TMC6: variants seen among roughly 807,000 people sequenced by gnomAD.
TMC6 encodes the protein transmembrane channel like 6.
A neutral mutation model predicts 95.4 loss-of-function variants in TMC6; 71 were observed. The ratio of observed to expected loss-of-function variants is 0.74; its 90% confidence interval spans 0.61 to 0.91. The LOEUF (loss-of-function observed/expected upper bound fraction) is 0.91. TMC6 is among the 40% of genes least tolerant of loss of function. The probability of loss-of-function intolerance (pLI) is 0.00; values close to 1 mark genes in which losing one functional copy is unlikely to be tolerated. For missense variants in TMC6, 1,074 were observed against 1,079.1 expected (o/e 1.00, Z 0.07); for synonymous variants, 514 against 483.1 (o/e 1.06, Z -0.84).
intron 18 of TMC6, among the ~76,000 whole-genome samples, chr17:78,116,842 T>A (rs1415534316): frequency 6.6e-6 from 1 of 152,178 alleles, no homozygotes. Context: ...ACTGTGCCAC[T>A]GCACTCCAGC....
In TMC6 at chr17:78,126,890, A is replaced by G; in HGVS notation, c.-58T>C. 3 of 1,582,704 alleles carry G rather than the reference A, an allele frequency of 1.9e-6. No homozygotes were observed. In the Admixed American group the frequency reaches 5.2e-5, roughly 28 times the overall value. On this transcript the variant is annotated 5_prime_UTR_variant, in exon 2 of 20. Coordinates refer to ENST00000590602, the MANE Select transcript of TMC6 (RefSeq NM_001127198.5). Reference sequence around the variant, plus strand: ...TAGGGTAGCTCAGAGCCTGGGCGCCACCTCCGGAGCCCCCATCTGATGAGA... The same window carrying G: ...TAGGGTAGCTCAGAGCCTGGGCGCCGCCTCCGGAGCCCCCATCTGATGAGA...
upstream of TMC6, among the ~76,000 whole-genome samples, chr17:78,130,257 A>G (rs779916141): frequency 2.3e-4 from 35 of 152,128 alleles, no homozygotes; most frequent in Non-Finnish European, 4.0e-4. Context: ...CAGTAACACC[A>G]AGAGTATCTG....
At chr17:78,118,925 CG>C in intron 15 of TMC6, 45 bp downstream of exon 15, 1 of 1,554,242 alleles carries the variant, frequency 6.4e-7, no homozygotes, top group Admixed American at 1.9e-5. Context: ...CCCCCACTGC[CG>C]GCCACCCTGC....
intron 16 of TMC6, 66 bp downstream of exon 16, chr17:78,117,736 C>A (rs935433196): frequency 2.2e-4 from 339 of 1,571,420 alleles, no homozygotes; most frequent in Non-Finnish European, 2.8e-4. Flanking sequence ...AGCCTTGGGC[C>A]CCCCAGGCAC....
In TMC6 at chr17:78,118,919, C is replaced by A. The variant is rs926145338; in HGVS notation, c.1887+52G>T. ...GCTCTGCCCAGCTGAGTCCTGCCCCCACTGCCGGCCACCCTGCCAGCCCAG... is the reference window on the plus strand; with the variant it reads ...GCTCTGCCCAGCTGAGTCCTGCCCCAACTGCCGGCCACCCTGCCAGCCCAG... On this transcript the variant is annotated intron_variant, in intron 15 of 19. Coordinates refer to ENST00000590602, the MANE Select transcript of TMC6 (RefSeq NM_001127198.5). The A allele has an allele frequency of 3.4e-5, 53 of 1,544,694 alleles. 1 individual carries two copies. The South Asian group carries it at 6.0e-4, about 18-fold the overall frequency.
Position 78,109,585 on chromosome 17 carries a change from C to T in TMC6, c.*3563G>A, listed in dbSNP as rs1043546645. 1 of 455,304 alleles carries T rather than the reference C, an allele frequency of 2.2e-6. No individual in the cohort carries two copies. Among genetic ancestry groups the T allele is most frequent in the Non-Finnish European group, 4.4e-6 (1 of 226,624 alleles). 28.2% of individuals were successfully genotyped at this position (455,304 alleles called of 1,614,324 possible). A position where few individuals can be genotyped will look rare whatever the true frequency, so the allele number is the denominator to read the frequency against. ...GGTCGAGGCTGCAGTGAGCTGTGAT[C>T]GTGCCACTGTGCTCCGGGATGGGCA... On this transcript the variant is annotated 3_prime_UTR_variant, in exon 20 of 20. Transcript: ENST00000590602.
rs1240293739 is a variant in TMC6 at position 78,117,326 on chromosome 17, G to T, written c.2220C>A (p.Ile740=). The T allele has an allele frequency of 6.2e-7, 1 of 1,613,496 alleles. No individual in the cohort carries two copies. Among genetic ancestry groups the T allele is most frequent in the Admixed American group, 1.7e-5 (1 of 60,022 alleles). ...CCTTGCGCTGGCCCCGCACCACCTGGATGTTGAGGTAGATCACGGCCCTGC... is the reference window on the plus strand; with the variant it reads ...CCTTGCGCTGGCCCCGCACCACCTGTATGTTGAGGTAGATCACGGCCCTGC... ...ALLLAVIYLN[I]QVVRGQRKVI... is the part of the protein sequence containing the mutation. The change falls in exon 18 of 20, where the codon ATC becomes ATA. Residue 740 remains isoleucine (I), a synonymous_variant. Coordinates refer to ENST00000590602, the MANE Select transcript of TMC6 (RefSeq NM_001127198.5).
intron 18 of TMC6, 63 bp from the exon 19 acceptor site, chr17:78,113,687 G>A: frequency 6.5e-7 from 1 of 1,548,790 alleles, no homozygotes; most frequent in South Asian, 1.1e-5. Flanking sequence ...GAGCCATCCT[G>A]TTCCAAACTG....
Position 78,117,831 on chromosome 17 carries a change from G to A in TMC6, c.1992C>T (p.Ala664=), listed in dbSNP as rs369452848. The part of the protein sequence containing the change: ...TLLCFPAFLG[A]AVFLCYAVWQ... ...AGACGGCGTAGCAGAGGAAGACAGC[G>A]GCGCCCAGGAAGGCGGGGAAGCAGA... is the stretch of plus-strand genomic sequence containing the variant. Residue 664 remains alanine, a synonymous_variant, in exon 16 of 20, where the codon GCC becomes GCT. Transcript: ENST00000590602. 144 of 1,607,760 alleles carry A rather than the reference G, an allele frequency of 9.0e-5. No individual in the cohort carries two copies. Among genetic ancestry groups the A allele is most frequent in the Middle Eastern group, 6.6e-4 (4 of 6,056 alleles).
chr17:78,111,806 A>T lies in TMC6; in HGVS notation c.*1342T>A. 1 of 201,810 alleles carries T rather than the reference A, an allele frequency of 5.0e-6. No individual in the cohort carries two copies. Among genetic ancestry groups the T allele is most frequent in the South Asian group, 6.0e-5 (1 of 16,550 alleles). The allele number at this position is 201,810 out of a possible 1,614,324, so 12.5% of individuals were successfully genotyped here. ...TTTGACCATTTCCCCACCTGGGTTC[A>T]TTCCCCCAATCCCAAGCGCAGCTCC... On this transcript the variant is annotated 3_prime_UTR_variant, in exon 20 of 20. Transcript: ENST00000590602.
Position 78,113,567 on chromosome 17 carries a change from C to G in TMC6, c.2335G>C (p.Glu779Gln). The change falls in exon 19 of 20, where the codon GAG (glutamate) becomes CAG (glutamine). Residue 779 changes from glutamate (E) to glutamine (Q), a missense_variant. Glu to Gln is a conservative substitution (Grantham distance 29, BLOSUM62 2). Transcript: ENST00000590602. ...CCTCACCTGCTCCTCTCCTCCCTCT[C>G]CTTCCTCTCGTAGATGGAGTGAAGC... ...NKLHSIYERK[E>Q]REERSRVGTT... 1.2e-6 allele frequency: 2 copies of G among 1,614,030 alleles called. No individual in the cohort carries two copies. The highest frequency in any genetic ancestry group is 1.7e-6 in the Non-Finnish European group (2 of 1,180,014).
Position 78,113,146 on chromosome 17 carries a change from C to A in TMC6, c.*2G>T. Reference sequence around the variant, plus strand: ...GGGCCCGTGAGGCCCATCGCCGTCCCCCTAGGCATCCTGTTCATCTGTGAG... The same window carrying A: ...GGGCCCGTGAGGCCCATCGCCGTCCACCTAGGCATCCTGTTCATCTGTGAG... On this transcript the variant is annotated 3_prime_UTR_variant, in exon 20 of 20. Transcript: ENST00000590602. The A allele has an allele frequency of 6.4e-7, 1 of 1,553,828 alleles. No individual in the cohort carries two copies. The highest frequency in any genetic ancestry group is 1.2e-5 in the South Asian group (1 of 84,190).
intron 9 of TMC6, chr17:78,123,159 G>T: frequency 2.9e-6 from 1 of 342,260 alleles, no homozygotes. Flanking sequence ...CCCCTGGGAA[G>T]CAGCCTGACT....
In TMC6 at chr17:78,124,923, G is replaced by A. The variant is rs9895373; in HGVS notation, c.599C>T (p.Ser200Phe). The A allele has an allele frequency of 0.014, 23,160 of 1,598,838 alleles. 1,076 individuals are homozygous for A. The highest frequency in any genetic ancestry group is 0.12 in the East Asian group (5,419 of 44,426). ...GGCATATCTGAGCCGGCCACAGCAG[G>A]AGCAGACCCCGCCGCTGCCCGGCTG... ...RGQPGSGGVC[S>F]CCGRLRYACV... The change falls in exon 7 of 20, where the codon TCC becomes TTC. Residue 200 changes from serine (S) to phenylalanine (F), a missense_variant. Physicochemically the swap from Ser to Phe is radical, Grantham distance 155 (BLOSUM62 -2). Transcript: ENST00000590602.
At chr17:78,117,678 G>A (rs200676105) in intron 16 of TMC6, 34 bp from the exon 17 acceptor site, 29 of 1,555,750 alleles carry the variant, frequency 1.9e-5, no homozygotes, top group African/African-American at 9.6e-5. Context: ...CCCTCACCCC[G>A]AGCAACAGTT....
chr17:78,115,702 G>GACCA (rs1567983102), intron 18 of TMC6, among the ~76,000 whole-genome samples: 3 of 26,760 alleles, frequency 1.1e-4, no homozygotes, highest in African/African-American at 4.0e-4. Flanking sequence ...TGGGCACAGG[G>GACCA]GCGAAGGGAG....
chr17:78,115,681 G>GACCA (rs1360471906), intron 18 of TMC6, among the ~76,000 whole-genome samples: 12 of 83,330 alleles, frequency 1.4e-4, no homozygotes, highest in African/African-American at 4.7e-4. Context: ...TGGGCACAGG[G>GACCA]GCGAAGGGAG....
chr17:78,113,794 C>G, intron 18 of TMC6, 170 bp from the exon 19 acceptor site: 1 of 712,300 alleles, frequency 1.4e-6, no homozygotes, highest in Non-Finnish European at 2.4e-6. Flanking sequence ...CAAGGAAAAA[C>G]CAAGAGCCAG....
At chr17:78,125,629 T>G in intron 5 of TMC6, 97 bp downstream of exon 5, 1 of 1,507,460 alleles carries the variant, frequency 6.6e-7, no homozygotes. Flanking sequence ...GGCCTCTGGC[T>G]CTGCAGCACC....
Sources: allele counts gnomAD v4.1 joint callset (sites outside exome capture counted in the v4.1 genomes callset), GRCh38; gene constraint gnomAD v4.1.1; transcripts MANE v1.5; gene names NCBI Gene and HGNC (gene_info 2026-07-23, HGNC 2026-07-21).